ADM: variants seen among roughly 807,000 people sequenced by gnomAD.
The protein encoded by ADM is pro-adrenomedullin.
ADM carries 4 observed loss-of-function variants against 9.0 expected under a neutral mutation model. The observed-to-expected ratio is 0.44, with a 90% confidence interval of 0.22 to 1.02. The LOEUF (loss-of-function observed/expected upper bound fraction) is 1.02, where lower values mean the gene tolerates loss of function less well. Ranked by LOEUF, ADM falls within the 50% of genes least tolerant of loss-of-function variation. The pLI, the probability that ADM is intolerant of heterozygous loss-of-function variation, is 0.24. For missense variants in ADM, 253 were observed against 254.1 expected (o/e 1.00, Z 0.03); for synonymous variants, 107 against 107.2 (o/e 1.00, Z 0.01).
chr11:10,306,058 C>T lies in ADM; in HGVS notation c.208C>T (p.Pro70Ser), dbSNP rs779565271. 1.2e-6 allele frequency: 2 copies of T among 1,614,018 alleles called. No individual in the cohort carries two copies. The highest frequency in any genetic ancestry group is 1.7e-6 in the Non-Finnish European group (2 of 1,180,024). Residue 70 changes from proline (P) to serine (S), a missense_variant, in exon 3 of 4, where the codon CCC (proline) becomes TCC (serine). Pro to Ser is a moderately conservative substitution (Grantham distance 74, BLOSUM62 -1). Transcript: ENST00000278175. ...KAGPAQTLIR[P>S]QDMKGASRSP... ...CGGGCCTGCCCAGACCCTTATTCGG[C>T]CCCAGGACATGAAGGGTGCCTCTCG...
At position 10,305,206 on chromosome 11, in the gene ADM, C is replaced by G. The variant is rs992415077; in HGVS notation, c.-45C>G. 1.8e-5 allele frequency: 3 copies of G among 163,972 alleles called. No individual in the cohort carries two copies. Among genetic ancestry groups the G allele is most frequent in the African/African-American group, 7.2e-5 (3 of 41,528 alleles). 10.2% of individuals were successfully genotyped at this position (163,972 alleles called of 1,614,324 possible). ...CGTCTGAGACTTTCTCCTTCAAGTA[C>G]TTGGCAGATCACTCTCTTAGCAGGT... On this transcript the variant is annotated 5_prime_UTR_variant, in exon 1 of 4. Transcript: ENST00000278175.
chr11:10,306,477 A>G lies in ADM; in HGVS notation c.394A>G (p.Lys132Glu). 1 of 1,611,886 alleles carries G rather than the reference A, an allele frequency of 6.2e-7. No homozygotes were observed. The highest frequency in any genetic ancestry group is 8.5e-7 in the Non-Finnish European group (1 of 1,179,130). Residue 132 changes from lysine to glutamate, a missense_variant, in exon 4 of 4, where the codon AAG becomes GAG. By Grantham distance (56) the Lys-to-Glu change is moderately conservative. Coordinates refer to ENST00000278175, the MANE Select transcript of ADM (RefSeq NM_001124.3). ...HQIYQFTDKDKDNVAPRSKIS... is the reference protein window; with the variant it reads ...HQIYQFTDKDEDNVAPRSKIS... The stretch of plus-strand genomic sequence containing the variant: ...GATCTACCAGTTCACAGATAAGGAC[A>G]AGGACAACGTCGCCCCCAGGAGCAA...
chr11:10,305,494 C>A lies in ADM; in HGVS notation c.-21-186C>A, dbSNP rs1354072062. 3 of 582,902 alleles carry A rather than the reference C, an allele frequency of 5.1e-6. No individual in the cohort carries two copies. In the East Asian group the frequency reaches 8.6e-5, roughly 17 times the overall value. 36.1% of individuals were successfully genotyped at this position (582,902 alleles called of 1,614,324 possible). A position where few individuals can be genotyped will look rare whatever the true frequency, so the allele number is the denominator to read the frequency against. Reference sequence around the variant, plus strand: ...GGGTGCAGCGGCCTCCCCTGCGGGGCCTGTCACCCGGCCGGCGCGTGCAAA... The same window carrying A: ...GGGTGCAGCGGCCTCCCCTGCGGGGACTGTCACCCGGCCGGCGCGTGCAAA... On this transcript the variant is annotated intron_variant, in intron 1 of 3. Coordinates refer to ENST00000278175, the MANE Select transcript of ADM (RefSeq NM_001124.3).
chr11:10,306,522 G>A lies in ADM; in HGVS notation c.439G>A (p.Gly147Ser), dbSNP rs773695276. 1 of 1,611,712 alleles carries A rather than the reference G, an allele frequency of 6.2e-7. No individual in the cohort carries two copies. The change falls in exon 4 of 4, where the codon GGC (glycine) becomes AGC (serine). Residue 147 changes from glycine to serine, a missense_variant. Transcript: ENST00000278175. ...GAGCAAGATCAGCCCCCAGGGCTACGGCCGCCGGCGCCGGCGCTCCCTGCC... is the reference window on the plus strand; with the variant it reads ...GAGCAAGATCAGCCCCCAGGGCTACAGCCGCCGGCGCCGGCGCTCCCTGCC... ...PRSKISPQGY[G>S]RRRRRSLPEA...
Position 10,307,270 on chromosome 11 carries a change from T to C in ADM, c.*629T>C, listed in dbSNP as rs1475408028. On this transcript the variant is annotated 3_prime_UTR_variant, in exon 4 of 4. Transcript: ENST00000278175. This position sits in a 1 kb window ranked among gnomAD's most constrained non-coding sequence, Gnocchi z 4.5. ...TCGCCGCGTGGAATGTGAGTGTGTT[T>C]GTGTGCATGAAAGAGAAAGACTGAT... 3.3e-5 allele frequency: 5 copies of C among 152,670 alleles called. No homozygotes were observed. Among genetic ancestry groups the C allele is most frequent in the African/African-American group, 1.2e-4 (5 of 41,452 alleles). The allele number at this position is 152,670 out of a possible 1,614,324, so 9.5% of individuals were successfully genotyped here. A position where few individuals can be genotyped will look rare whatever the true frequency, so the allele number is the denominator to read the frequency against.
At chr11:10,305,632 T>G in intron 1 of ADM, 48 bp from the exon 2 acceptor site, 1 of 1,527,638 alleles carries the variant, frequency 6.5e-7, no homozygotes, top group Non-Finnish European at 9.0e-7. Flanking sequence ...GCCCGGGCGG[T>G]GCAGCTGGCC....
At position 10,306,698 on chromosome 11, in the gene ADM, C is replaced by A; in HGVS notation, c.*57C>A. ...GCGCAAGCATCCCGCTGGTGCCTCC[C>A]GGGACGAAGGACTTCCCGAGCGGTG... On this transcript the variant is annotated 3_prime_UTR_variant, in exon 4 of 4. Transcript: ENST00000278175. The A allele has an allele frequency of 1.4e-6, 2 of 1,477,316 alleles. No homozygotes were observed. Among genetic ancestry groups the A allele is most frequent in the Non-Finnish European group, 1.8e-6 (2 of 1,109,398 alleles). The allele number at this position is 1,477,316 out of a possible 1,614,324, so 91.5% of individuals were successfully genotyped here.
intron 3 of ADM, 55 bp downstream of exon 3, chr11:10,306,153 A>G: frequency 1.3e-6 from 2 of 1,595,754 alleles, no homozygotes; most frequent in South Asian, 2.2e-5. Flanking sequence ...GTGCGGGAGG[A>G]GTTCTCTGTC....
In ADM at chr11:10,306,579, T is replaced by C; in HGVS notation, c.496T>C (p.Ser166Pro). ...CGGCCCGGGTCGGACTCTGGTGTCT[T>C]CTAAGCCACAAGCACACGGGGCTCC... The part of the protein sequence containing the change: ...EAGPGRTLVS[S>P]KPQAHGAPAP... Residue 166 changes from serine to proline, a missense_variant, in exon 4 of 4, where the codon TCT (serine) becomes CCT (proline). Transcript: ENST00000278175. 6.2e-7 allele frequency: 1 copy of C among 1,608,954 alleles called. No individual in the cohort carries two copies. Among genetic ancestry groups the C allele is most frequent in the Non-Finnish European group, 8.5e-7 (1 of 1,177,786 alleles).
chr11:10,305,767 C>T lies in ADM; in HGVS notation c.67C>T (p.Arg23Trp), dbSNP rs758847030. The change falls in exon 2 of 4, where the codon CGG (arginine) becomes TGG (tryptophan). Residue 23 changes from arginine to tryptophan, a missense_variant. By Grantham distance (101) the Arg-to-Trp change is moderately radical (BLOSUM62 -3). Coordinates refer to ENST00000278175, the MANE Select transcript of ADM (RefSeq NM_001124.3). ...SLAFLGADTA[R>W]LDVASEFRKK... Reference sequence around the variant, plus strand: ...CGCCTTCCTAGGCGCTGACACCGCTCGGTTGGATGTCGCGTCGGAGTTTCG... The same window carrying T: ...CGCCTTCCTAGGCGCTGACACCGCTTGGTTGGATGTCGCGTCGGAGTTTCG... 1.2e-5 allele frequency: 20 copies of T among 1,614,150 alleles called. No individual in the cohort carries two copies. Among genetic ancestry groups the T allele is most frequent in the South Asian group, 6.6e-5 (6 of 91,076 alleles).
At chr11:10,305,419 C>T (rs1324846092) in intron 1 of ADM, 190 bp downstream of exon 1, 5 of 483,722 alleles carry the variant, frequency 1.0e-5, no homozygotes, top group Non-Finnish European at 3.8e-6. Flanking sequence ...CCCTCTGCTC[C>T]GTCAGCCAAG....
intron 1 of ADM, 149 bp from the exon 2 acceptor site, chr11:10,305,531 C>T (rs1469789062): frequency 3.0e-6 from 2 of 659,542 alleles, no homozygotes; most frequent in Non-Finnish European, 2.5e-6. Flanking sequence ...GCCTCTGGCG[C>T]CTCTCTGCGC....
rs768053857 is a variant in ADM, at chr11:10,306,094, G to A, written c.244G>A (p.Asp82Asn). ...DMKGASRSPE[D>N]SSPDAARIRV... ...GAAGGGTGCCTCTCGAAGCCCCGAA[G>A]ACAGGTAACTACGCCCTGTGCTGTC... The change falls in exon 3 of 4, where the codon GAC (aspartate) becomes AAC (asparagine). Residue 82 changes from aspartate (D) to asparagine (N), a missense_variant. By Grantham distance (23) the Asp-to-Asn change is conservative (BLOSUM62 1). Coordinates refer to ENST00000278175, the MANE Select transcript of ADM (RefSeq NM_001124.3). 1 of 1,613,916 alleles carries A rather than the reference G, an allele frequency of 6.2e-7. No individual in the cohort carries two copies. Among genetic ancestry groups the A allele is most frequent in the Admixed American group, 1.7e-5 (1 of 60,028 alleles).
intron 3 of ADM, 21 bp from the exon 4 acceptor site, chr11:10,306,311 T>TGGGGGGGGGGCGGGGCG: frequency 6.5e-7 from 1 of 1,543,792 alleles, no homozygotes; most frequent in Non-Finnish European, 8.9e-7. Flanking sequence ...TTGCCTTTCT[T>TGGGGGGGGGGCGGGGCG]CCCCCTCCCC....
chr11:10,305,691 C>T lies in ADM; in HGVS notation c.-10C>T, dbSNP rs775786575. ...TTCTTCTTTTCCAGGGTCTGCGCTT[C>T]GCAGCCGGGATGAAGCTGGTTTCCG... On this transcript the variant is annotated 5_prime_UTR_variant, in exon 2 of 4. Coordinates refer to ENST00000278175, the MANE Select transcript of ADM (RefSeq NM_001124.3). 17 of 1,613,308 alleles carry T rather than the reference C, an allele frequency of 1.1e-5. No individual in the cohort carries two copies. Among genetic ancestry groups the T allele is most frequent in the East Asian group, 2.2e-5 (1 of 44,900 alleles).
Position 10,306,566 on chromosome 11 carries a change from G to A in ADM, c.483G>A (p.Arg161=). The change falls in exon 4 of 4, where the codon CGG becomes CGA. Residue 161 remains arginine (R), a synonymous_variant. Transcript: ENST00000278175. ...CCCTGCCCGAGGCCGGCCCGGGTCG[G>A]ACTCTGGTGTCTTCTAAGCCACAAG... is the stretch of plus-strand genomic sequence containing the variant. ...RRSLPEAGPG[R]TLVSSKPQAH... The A allele has an allele frequency of 6.2e-7, 1 of 1,611,990 alleles. No homozygotes were observed. Among genetic ancestry groups the A allele is most frequent in the South Asian group, 1.1e-5 (1 of 90,976 alleles).
rs760271378 is a variant in ADM, at chr11:10,306,542, C to G, written c.459C>G (p.Ser153=). 2 of 1,612,124 alleles carry G rather than the reference C, an allele frequency of 1.2e-6. No individual in the cohort carries two copies. Among genetic ancestry groups the G allele is most frequent in the Non-Finnish European group, 8.5e-7 (1 of 1,179,340 alleles). The change falls in exon 4 of 4, where the codon TCC becomes TCG. Residue 153 remains serine (S), a synonymous_variant. Transcript: ENST00000278175. The part of the protein sequence containing the change: ...PQGYGRRRRR[S]LPEAGPGRTL... ...GCTACGGCCGCCGGCGCCGGCGCTC[C>G]CTGCCCGAGGCCGGCCCGGGTCGGA...
chr11:10,306,521 C>T lies in ADM; in HGVS notation c.438C>T (p.Tyr146=), dbSNP rs1159937980. The T allele has an allele frequency of 2.5e-6, 4 of 1,611,934 alleles. No homozygotes were observed. Among genetic ancestry groups the T allele is most frequent in the Non-Finnish European group, 3.4e-6 (4 of 1,179,270 alleles). Residue 146 remains tyrosine, a synonymous_variant, in exon 4 of 4, where the codon TAC becomes TAT. Transcript: ENST00000278175. ...GGAGCAAGATCAGCCCCCAGGGCTA[C>T]GGCCGCCGGCGCCGGCGCTCCCTGC... is the stretch of plus-strand genomic sequence containing the variant. ...APRSKISPQG[Y]GRRRRRSLPE... is the part of the protein sequence containing the mutation.
rs1964668127 is a variant in ADM, at chr11:10,306,975, A to G, written c.*334A>G. Reference sequence around the variant, plus strand: ...TGAGCCACAGCCGTGCTCGCCCACAAACTGATTTCTCACGGCGTGTCACCC... The same window carrying G: ...TGAGCCACAGCCGTGCTCGCCCACAGACTGATTTCTCACGGCGTGTCACCC... On this transcript the variant is annotated 3_prime_UTR_variant, in exon 4 of 4. Coordinates refer to ENST00000278175, the MANE Select transcript of ADM (RefSeq NM_001124.3). 4.2e-6 allele frequency: 1 copy of G among 240,036 alleles called. No homozygotes were observed. The highest frequency in any genetic ancestry group is 8.0e-6 in the Non-Finnish European group (1 of 125,142). 14.9% of individuals were successfully genotyped at this position (240,036 alleles called of 1,614,324 possible). A position where few individuals can be genotyped will look rare whatever the true frequency, so the allele number is the denominator to read the frequency against.
Sources: allele counts gnomAD v4.1 joint callset, GRCh38; gene constraint gnomAD v4.1.1; non-coding constraint Gnocchi (gnomAD v3.1); transcripts MANE v1.5; gene names NCBI Gene and HGNC (gene_info 2026-07-23, HGNC 2026-07-21).